Variants in NT5C2 observed in about 807,000 individuals in gnomAD.
NT5C2 encodes cytosolic purine 5'-nucleotidase.
Under a neutral mutation model 76.1 loss-of-function variants are expected in NT5C2, and 58 were observed. That is an observed-to-expected ratio of 0.76 (90% CI 0.62 to 0.95). The LOEUF is 0.95. Among genes scored for constraint, NT5C2 ranks in the 40% least tolerant of loss-of-function variants. NT5C2 has a pLI of 0.00. For missense variants in NT5C2, 478 were observed against 690.3 expected, an observed-to-expected ratio of 0.69 and a Z score of 3.45; for synonymous variants, 229 against 237.4, an observed-to-expected ratio of 0.96 and a Z score of 0.32.
chr10:103,179,372 T>C (rs1488853404), intron 2 of NT5C2, among the ~76,000 whole-genome samples: 2 of 152,126 alleles, frequency 1.3e-5, no homozygotes, highest in Non-Finnish European at 2.9e-5. Context: ...GTAACAATAC[T>C]GTAGGTAGGA....
Position 103,181,096 on chromosome 10 carries a change from C to T in NT5C2, c.-25+89G>A, listed in dbSNP as rs528226667. 2.0e-5 allele frequency: 3 copies of T among 151,988 alleles called. No homozygotes were observed. The East Asian group carries it at 5.8e-4, about 29-fold the overall frequency. 9.4% of individuals were successfully genotyped at this position (151,988 alleles called of 1,614,324 possible). A position where few individuals can be genotyped will look rare whatever the true frequency, so the allele number is the denominator to read the frequency against. On this transcript the variant is annotated intron_variant, in intron 2 of 18. Transcript: ENST00000404739. ...AAACTTTTGGGGAGAAGGGGTGATA[C>T]GTTCAATATCTTCATTATGGTGATG...
rs939988120 is a variant in NT5C2, at chr10:103,151,889, C to T, written c.102-12410G>A. ...ACTTCAAATGCACTTATTATCCATTCGGACAGTACAGACATTGCTCCAGAG... is the reference window on the plus strand; with the variant it reads ...ACTTCAAATGCACTTATTATCCATTTGGACAGTACAGACATTGCTCCAGAG... On this transcript the variant is annotated intron_variant, in intron 3 of 18. Transcript: ENST00000404739. Among the ~76,000 whole-genome samples, 4 of 151,992 alleles carry T rather than the reference C, an allele frequency of 2.6e-5. 1 individual carries two copies. The highest frequency in any genetic ancestry group is 4.1e-4 in the South Asian group (2 of 4,820).
At chr10:103,138,056 A>T (rs1194987816) in intron 4 of NT5C2, among the ~76,000 whole-genome samples, 1 of 151,908 alleles carries the variant, frequency 6.6e-6, no homozygotes, top group East Asian at 1.9e-4. Flanking sequence ...CCACATCCTC[A>T]TAAGGACAAA....
At position 103,089,871 on chromosome 10, in the gene NT5C2, T is replaced by C. The variant is rs755564008; in HGVS notation, c.1487A>G (p.Asp496Gly). 2.5e-6 allele frequency: 4 copies of C among 1,613,180 alleles called. No individual in the cohort carries two copies. Among genetic ancestry groups the C allele is most frequent in the South Asian group, 1.1e-5 (1 of 90,946 alleles). Residue 496 changes from aspartate to glycine, a missense_variant, in exon 19 of 19, where the codon GAT (aspartate) becomes GGT (glycine). By Grantham distance (94) the Asp-to-Gly change is moderately conservative (BLOSUM62 -1). Coordinates refer to ENST00000404739, the MANE Select transcript of NT5C2 (RefSeq NM_001351169.2). ...HESTVEHTHV[D>G]INEMESPLAT... ...AAGAGGAGACTCCATCTCATTGATA[T>C]CTACGTGTGTGTGCTCCACCGTTGA...
At chr10:103,171,965 T>C (rs1463453361) in intron 3 of NT5C2, among the ~76,000 whole-genome samples, 1 of 152,012 alleles carries the variant, frequency 6.6e-6, no homozygotes, top group Non-Finnish European at 1.5e-5. Flanking sequence ...ATCCCAGCAC[T>C]ATGGGAGGCC....
At chr10:103,190,708 G>C (rs1480567573) in intron 1 of NT5C2, among the ~76,000 whole-genome samples, 15 of 151,934 alleles carry the variant, frequency 9.9e-5, no homozygotes, top group Non-Finnish European at 2.2e-4. Context: ...CTGGCTGAAA[G>C]TATGACTGCC....
chr10:103,189,553 C>T (rs900367124), intron 1 of NT5C2, among the ~76,000 whole-genome samples: 2 of 150,412 alleles, frequency 1.3e-5, no homozygotes, highest in Admixed American at 1.3e-4. Flanking sequence ...CTGCAGTGAG[C>T]CGAGATCGCA....
At chr10:103,154,489 G>A (rs2082978901) in intron 3 of NT5C2, among the ~76,000 whole-genome samples, 2 of 152,126 alleles carry the variant, frequency 1.3e-5, no homozygotes, top group South Asian at 4.1e-4. Context: ...AAAGCAGTAT[G>A]GTGTAATGGA....
chr10:103,100,428 A>AACT (rs2069280481), intron 8 of NT5C2, among the ~76,000 whole-genome samples: 1 of 152,204 alleles, frequency 6.6e-6, no homozygotes, highest in African/African-American at 2.4e-5. Flanking sequence ...TATTTAGTTC[A>AACT]GTGACTCAGC....
intron 6 of NT5C2, among the ~76,000 whole-genome samples, chr10:103,104,090 C>T (rs1417764216): frequency 6.6e-6 from 1 of 152,242 alleles, no homozygotes; most frequent in African/African-American, 2.4e-5. Context: ...AAGAAGTCTT[C>T]TTGCCTTGTC....
chr10:103,136,464 TATA>T (rs1472567467), intron 4 of NT5C2, among the ~76,000 whole-genome samples: 1 of 152,214 alleles, frequency 6.6e-6, no homozygotes, highest in African/African-American at 2.4e-5. Flanking sequence ...GGTCCTGGCA[TATA>T]ATAAGTACTT....
At chr10:103,091,104 G>C in intron 16 of NT5C2, 108 bp from the exon 17 acceptor site, 7 of 925,152 alleles carry the variant, frequency 7.6e-6, no homozygotes, top group Non-Finnish European at 1.0e-5. Context: ...GTGTGATCGC[G>C]GCTCACTGCA....
At chr10:103,098,732 T>G (rs2068809499) in intron 10 of NT5C2, 199 bp downstream of exon 10, 2 of 527,344 alleles carry the variant, frequency 3.8e-6, no homozygotes, top group South Asian at 2.7e-5. Context: ...ATACTGAGTC[T>G]TCTTGCCTAT....
intron 6 of NT5C2, among the ~76,000 whole-genome samples, chr10:103,105,163 T>G (rs764153063): frequency 5.4e-4 from 82 of 152,186 alleles, no homozygotes; most frequent in South Asian, 3.3e-3. Context: ...TAAAGCTTAT[T>G]CTTATTTGTT....
chr10:103,098,167 T>G lies in NT5C2; in HGVS notation c.687+764A>C, dbSNP rs1026567686. 34 of 451,452 alleles carry G rather than the reference T, an allele frequency of 7.5e-5. 1 individual carries two copies. The highest frequency in any genetic ancestry group is 5.3e-4 in the South Asian group (32 of 60,388). 28.0% of individuals were successfully genotyped at this position (451,452 alleles called of 1,614,324 possible). On this transcript the variant is annotated intron_variant, in intron 10 of 18. Coordinates refer to ENST00000404739, the MANE Select transcript of NT5C2 (RefSeq NM_001351169.2). ...TTATTCTAAAACAGTTCTAGACTTA[T>G]AGAAAAGCTGTGAAAATAAAGAGTT...
At chr10:103,177,452 T>G (rs192276799) in intron 2 of NT5C2, among the ~76,000 whole-genome samples, 138 of 152,346 alleles carry the variant, frequency 9.1e-4, no homozygotes, top group Non-Finnish European at 1.8e-3. Context: ...TGTGAAAACA[T>G]CTGTAGCCTG....
At chr10:103,098,301 T>G (rs889579315) in intron 10 of NT5C2, 1 of 257,792 alleles carries the variant, frequency 3.9e-6, no homozygotes, top group Non-Finnish European at 7.5e-6. Flanking sequence ...AACCACAGAT[T>G]TTTTAAAAAA....
At chr10:103,138,905 G>A (rs1307512486) in intron 4 of NT5C2, among the ~76,000 whole-genome samples, 1 of 152,116 alleles carries the variant, frequency 6.6e-6, no homozygotes, top group Non-Finnish European at 1.5e-5. Context: ...TACCTGGGAG[G>A]CTGAGGCAGG....
chr10:103,090,338 C>G (rs1304184425), intron 18 of NT5C2: 1 of 389,334 alleles, frequency 2.6e-6, no homozygotes, highest in African/African-American at 2.1e-5. Context: ...CCACCTCAGC[C>G]TCTAAAGTTC....
Sources: allele counts gnomAD v4.1 joint callset (sites outside exome capture counted in the v4.1 genomes callset), GRCh38; gene constraint gnomAD v4.1.1; transcripts MANE v1.5; gene names NCBI Gene and HGNC (gene_info 2026-07-23, HGNC 2026-07-21).